Variants in ERCC6L2 observed in about 807,000 individuals in gnomAD.
ERCC6L2 encodes the protein DNA excision repair protein ERCC-6-like 2.
Under a neutral mutation model 132.0 loss-of-function variants are expected in ERCC6L2, and 77 were observed. The ratio of observed to expected loss-of-function variants is 0.58; its 90% confidence interval spans 0.49 to 0.71. The LOEUF is 0.71. Ranked by LOEUF, ERCC6L2 falls within the 30% of genes least tolerant of loss-of-function variation. The pLI is 0.00. For synonymous variants in ERCC6L2, 583 were observed against 632.4 expected, an observed-to-expected ratio of 0.92 and a Z score of 1.17; for missense variants, 1,542 against 1,837.6, an observed-to-expected ratio of 0.84 and a Z score of 2.94.
chr9:95,920,561 C>A (rs1024979930), intron 6 of ERCC6L2, among the ~76,000 whole-genome samples: 1 of 152,016 alleles, frequency 6.6e-6, no homozygotes, highest in African/African-American at 2.4e-5. Context: ...GGAGTTAGCA[C>A]CCTAGCGCCA....
Position 96,018,077 on chromosome 9 carries a change from G to A in ERCC6L2, c.*4874G>A, listed in dbSNP as rs948577805. Among the ~76,000 whole-genome samples the A allele has an allele frequency of 6.6e-6, 1 of 152,162 alleles. No homozygotes were observed. Among genetic ancestry groups the A allele is most frequent in the African/African-American group, 2.4e-5 (1 of 41,434 alleles). ...CAAAGTAGAATGGTGGTTGCTAGAC[G>A]CTGGAGGGAGGGGAGAAAGGGGAGT... On this transcript the variant is annotated 3_prime_UTR_variant, in exon 19 of 19. Coordinates refer to ENST00000653738, the MANE Select transcript of ERCC6L2 (RefSeq NM_020207.7).
chr9:95,885,862 G>A lies in ERCC6L2; in HGVS notation c.471+4569G>A, dbSNP rs1413428017. Reference sequence around the variant, plus strand: ...GAGGATGGCAATCTGTGTTTTAACAGATGCTTCAGGTAATTCCAAGGCCCA... The same window carrying A: ...GAGGATGGCAATCTGTGTTTTAACAAATGCTTCAGGTAATTCCAAGGCCCA... On this transcript the variant is annotated intron_variant, in intron 2 of 18. Coordinates refer to ENST00000653738, the MANE Select transcript of ERCC6L2 (RefSeq NM_020207.7). Among the ~76,000 whole-genome samples, 3 of 152,186 alleles carry A rather than the reference G, an allele frequency of 2.0e-5. No individual in the cohort carries two copies. The East Asian group carries it at 5.8e-4, about 29-fold the overall frequency.
chr9:95,965,540 T>C, intron 13 of ERCC6L2, among the ~76,000 whole-genome samples: 1 of 151,830 alleles, frequency 6.6e-6, no homozygotes, highest in East Asian at 1.9e-4. Context: ...TGTGACGGAG[T>C]CTTTGTCACC....
At chr9:95,984,116 CAT>C (rs1032077973) in intron 17 of ERCC6L2, among the ~76,000 whole-genome samples, 124 of 150,544 alleles carry the variant, frequency 8.2e-4, no homozygotes, top group African/African-American at 2.6e-3. Flanking sequence ...ATATACATAA[CAT>C]ATATGTTTAT....
rs1435288812 is a variant in ERCC6L2 at position 96,012,645 on chromosome 9, A to G, written c.4095A>G (p.Gln1365=). The G allele has an allele frequency of 7.3e-7, 1 of 1,367,680 alleles. No individual in the cohort carries two copies. Among genetic ancestry groups the G allele is most frequent in the Admixed American group, 1.9e-5 (1 of 52,592 alleles). The allele number at this position is 1,367,680 out of a possible 1,614,324, so 84.7% of individuals were successfully genotyped here. The change falls in exon 19 of 19, where the codon CAA becomes CAG. Residue 1365 remains glutamine (Q), a synonymous_variant. Transcript: ENST00000653738. ...AGAAATCACCTGTTAGTTCTACTCA[A>G]GAGATTGACAGTGGGAAAAACAGCC... ...ETKKSPVSST[Q]EIDSGKNSQA...
At chr9:95,940,194 A>G (rs1271219410) in intron 11 of ERCC6L2, among the ~76,000 whole-genome samples, 5 of 152,182 alleles carry the variant, frequency 3.3e-5, no homozygotes, top group Non-Finnish European at 7.3e-5. Flanking sequence ...ATCCTCATTC[A>G]GCCTTTGCTG....
rs527804053 is a variant in ERCC6L2 at position 95,985,620 on chromosome 9, A to G, written c.3492+7405A>G. Among the ~76,000 whole-genome samples, 9 of 152,314 alleles carry G rather than the reference A, an allele frequency of 5.9e-5. No homozygotes were observed. In the East Asian group the frequency reaches 1.4e-3, roughly 23 times the overall value. On this transcript the variant is annotated intron_variant, in intron 17 of 18. Transcript: ENST00000653738. ...TGGAACCCATGCATCCTCATATAGC[A>G]ATAATAAATCTAGAGAGTCATTGTG...
intron 7 of ERCC6L2, among the ~76,000 whole-genome samples, chr9:95,921,636 T>C (rs1323909577): frequency 1.3e-5 from 2 of 152,226 alleles, no homozygotes; most frequent in Non-Finnish European, 2.9e-5. Flanking sequence ...TATCCACTAA[T>C]AGTAAACGAA....
At chr9:96,034,048 A>T (rs1834492281) in intron 19 of ERCC6L2, among the ~76,000 whole-genome samples, 1 of 152,216 alleles carries the variant, frequency 6.6e-6, no homozygotes, top group Non-Finnish European at 1.5e-5. Context: ...GGTCACTGGG[A>T]AACCCATCAG....
At chr9:95,876,218 C>G (rs1267043022) in intron 1 of ERCC6L2, 134 bp downstream of exon 1, 1 of 757,916 alleles carries the variant, frequency 1.3e-6, no homozygotes, top group Non-Finnish European at 2.1e-6. Flanking sequence ...ATTGTGAACC[C>G]CTCCAGGCCT....
chr9:96,002,105 C>T (rs1203395751), intron 17 of ERCC6L2, among the ~76,000 whole-genome samples: 1 of 152,224 alleles, frequency 6.6e-6, no homozygotes, highest in Non-Finnish European at 1.5e-5. Flanking sequence ...CCTCTCCCTC[C>T]ACACCTCCCT....
rs1827574436 is a variant in ERCC6L2 at position 95,881,226 on chromosome 9, A to G, written c.404A>G (p.Tyr135Cys). ...CAAAGAGAAGGAACCCGGTTTCTTT[A>G]TGGACACTACATCCATGGAGGAGGG... ...DYQREGTRFL[Y>C]GHYIHGGGCI... Residue 135 changes from tyrosine to cysteine, a missense_variant, in exon 2 of 19, where the codon TAT becomes TGT. Tyr to Cys is a radical substitution (Grantham distance 194). Around this residue, in one of 4 missense-constraint regions of ERCC6L2, gnomAD observed 945 missense variants for 1,105.2 expected, o/e 0.86. Transcript: ENST00000653738. The G allele has an allele frequency of 6.2e-7, 1 of 1,603,844 alleles. No homozygotes were observed. The highest frequency in any genetic ancestry group is 8.5e-7 in the Non-Finnish European group (1 of 1,177,542).
intron 17 of ERCC6L2, among the ~76,000 whole-genome samples, chr9:96,002,432 T>C (rs1309570812): frequency 6.6e-6 from 1 of 151,468 alleles, no homozygotes; most frequent in Non-Finnish European, 1.5e-5. Flanking sequence ...GCTTTTTTTT[T>C]TTTTCCTGAG....
chr9:96,000,315 G>T (rs560115293), intron 17 of ERCC6L2, among the ~76,000 whole-genome samples: 2 of 152,242 alleles, frequency 1.3e-5, no homozygotes. Context: ...TTTTGAACAT[G>T]TCAGTTTTCC....
chr9:95,982,666 A>C (rs920782145), intron 17 of ERCC6L2, among the ~76,000 whole-genome samples: 13 of 152,234 alleles, frequency 8.5e-5, no homozygotes, highest in Admixed American at 2.6e-4. Context: ...TCAGAAAGTT[A>C]TCCTTTCAAA....
intron 18 of ERCC6L2, among the ~76,000 whole-genome samples, chr9:96,008,853 A>G (rs1193889395): frequency 1.3e-5 from 2 of 152,232 alleles, no homozygotes; most frequent in Non-Finnish European, 2.9e-5. Context: ...CTGGCTTGAC[A>G]GCTGAGAGTA....
chr9:95,901,590 G>A (rs1828781405), intron 3 of ERCC6L2, among the ~76,000 whole-genome samples: 1 of 152,110 alleles, frequency 6.6e-6, no homozygotes, highest in African/African-American at 2.4e-5. Context: ...TTTTTTAGCG[G>A]GGGAGGGCAG....
chr9:95,959,277 G>A (rs1296208527), intron 13 of ERCC6L2, among the ~76,000 whole-genome samples: 7 of 150,972 alleles, frequency 4.6e-5, no homozygotes, highest in Admixed American at 4.6e-4. Flanking sequence ...CAAGCAATGG[G>A]GAAAGGATTC....
intron 17 of ERCC6L2, among the ~76,000 whole-genome samples, chr9:95,998,485 T>C (rs1833546373): frequency 1.3e-5 from 2 of 152,254 alleles, no homozygotes; most frequent in South Asian, 4.1e-4. Context: ...ACTTTGCTCG[T>C]GGATTATCTG....
Sources: gnomAD v4.1 joint callset for allele counts (sites outside exome capture counted in the v4.1 genomes callset) on GRCh38, gnomAD v4.1.1 for gene constraint, gnomAD v4.1.1 regional missense constraint, MANE v1.5 for transcripts, NCBI Gene and HGNC (gene_info 2026-07-23, HGNC 2026-07-21) for gene names.